DIP2C: variants seen among roughly 807,000 people sequenced by gnomAD.
DIP2C encodes DIP2 acetate--CoA ligase C (putative).
DIP2C carries 33 observed loss-of-function variants against 192.4 expected under a neutral mutation model. The observed-to-expected ratio is 0.17, with a 90% CI of 0.13 to 0.23. The LOEUF (loss-of-function observed/expected upper bound fraction) is 0.23. DIP2C is among the 10% of genes least tolerant of loss of function. The pLI is 1.00. For synonymous variants in DIP2C, 979 were observed against 864.1 expected (o/e 1.13, Z -2.33); for missense variants, 1,537 against 2,110.1 (o/e 0.73, Z 5.32).
At chr10:395,830 C>A (rs1963943728) in intron 10 of DIP2C, among the ~76,000 whole-genome samples, 2 of 152,224 alleles carry the variant, frequency 1.3e-5, no homozygotes, top group Non-Finnish European at 2.9e-5. Flanking sequence ...ATCACATGCA[C>A]AGGTTACAGT....
intron 2 of DIP2C, among the ~76,000 whole-genome samples, chr10:476,436 C>T (rs1245147819): frequency 6.6e-6 from 1 of 152,206 alleles, no homozygotes; most frequent in Admixed American, 6.5e-5. Context: ...ACAGAAGCAG[C>T]AGTAGCTAAC....
chr10:569,998 C>T (rs1323765638), intron 1 of DIP2C, among the ~76,000 whole-genome samples: 12 of 152,190 alleles, frequency 7.9e-5, no homozygotes, highest in Admixed American at 7.9e-4. Flanking sequence ...TCAGCTCACC[C>T]CTGGATAGTA....
intron 30 of DIP2C, among the ~76,000 whole-genome samples, chr10:328,985 T>C (rs1333200846): frequency 6.6e-6 from 1 of 152,222 alleles, no homozygotes; most frequent in Non-Finnish European, 1.5e-5. Context: ...TTAACTGAAC[T>C]GTAAAATGAA....
chr10:364,285 G>C lies in DIP2C; in HGVS notation c.2477+89C>G, dbSNP rs2132733219. The stretch of plus-strand genomic sequence containing the variant: ...GGAAACGGAGACACAATACATTTAA[G>C]GAAACTGTGCAACTTTCAACCCTTC... On this transcript the variant is annotated intron_variant, in intron 20 of 36. Coordinates refer to ENST00000280886, the MANE Select transcript of DIP2C (RefSeq NM_014974.3). 2.1e-6 allele frequency: 3 copies of C among 1,445,400 alleles called. No homozygotes were observed. The East Asian group carries it at 6.9e-5, about 33-fold the overall frequency. The allele number at this position is 1,445,400 out of a possible 1,614,324, so 89.5% of individuals were successfully genotyped here.
At chr10:462,507 A>G (rs1018711808) in intron 3 of DIP2C, among the ~76,000 whole-genome samples, 3 of 152,198 alleles carry the variant, frequency 2.0e-5, no homozygotes, top group African/African-American at 7.2e-5. Context: ...ACCAATAACA[A>G]GTTCTGAAAT....
chr10:557,667 CAT>C (rs2130978327), intron 1 of DIP2C, among the ~76,000 whole-genome samples: 1 of 63,256 alleles, frequency 1.6e-5, no homozygotes, highest in South Asian at 7.6e-4. Context: ...GGCACATACA[CAT>C]GTGGGGGTGG....
chr10:281,507 G>A (rs1954818060), intron 35 of DIP2C, among the ~76,000 whole-genome samples, 184 bp from the exon 36 acceptor site: 1 of 152,248 alleles, frequency 6.6e-6, no homozygotes, highest in South Asian at 2.1e-4. Context: ...CTCGGCTCGT[G>A]TGCCAGTACC....
intron 3 of DIP2C, among the ~76,000 whole-genome samples, chr10:471,540 A>C (rs375228577): frequency 6.6e-6 from 1 of 152,192 alleles, no homozygotes; most frequent in Non-Finnish European, 1.5e-5. Flanking sequence ...TGAAAGCTCC[A>C]TGTGAGAACA....
chr10:536,562 T>TG (rs1271097929), intron 1 of DIP2C, among the ~76,000 whole-genome samples: 1 of 152,174 alleles, frequency 6.6e-6, no homozygotes, highest in African/African-American at 2.4e-5. Context: ...ACCACAGTCC[T>TG]GGGGGCTAGG....
intron 1 of DIP2C, among the ~76,000 whole-genome samples, chr10:562,155 ACAGTTAAGGTTCC>A (rs1849253458): frequency 6.6e-6 from 1 of 152,234 alleles, no homozygotes; most frequent in Non-Finnish European, 1.5e-5. Flanking sequence ...AATGATCCTG[ACAGTTAAGGTTCC>A]CAGTTACAGG....
chr10:371,496 C>G (rs2132799363), intron 17 of DIP2C, among the ~76,000 whole-genome samples: 1 of 152,270 alleles, frequency 6.6e-6, no homozygotes, highest in South Asian at 2.1e-4. Flanking sequence ...TTACTCTGTC[C>G]TTGTAAGAGA....
chr10:417,154 C>T lies in DIP2C; in HGVS notation c.740-1266G>A, dbSNP rs190033315. Reference sequence around the variant, plus strand: ...CTAATTTGGTTCAGATGAATCATACCATTCCACCAGGCCAACGATTCTCAA... The same window carrying T: ...CTAATTTGGTTCAGATGAATCATACTATTCCACCAGGCCAACGATTCTCAA... On this transcript the variant is annotated intron_variant, in intron 6 of 36. Transcript: ENST00000280886. Among the ~76,000 whole-genome samples, 41 of 152,136 alleles carry T rather than the reference C, an allele frequency of 2.7e-4. No homozygotes were observed. In the East Asian group the frequency reaches 5.8e-3, roughly 22 times the overall value.
At chr10:563,803 C>T (rs1406462491) in intron 1 of DIP2C, among the ~76,000 whole-genome samples, 2 of 152,050 alleles carry the variant, frequency 1.3e-5, no homozygotes, top group East Asian at 1.9e-4. Context: ...TGGGCTATAC[C>T]AATAGTCAAG....
chr10:343,244 G>A (rs553369400), intron 28 of DIP2C, among the ~76,000 whole-genome samples: 2 of 152,184 alleles, frequency 1.3e-5, no homozygotes, highest in African/African-American at 2.4e-5. Flanking sequence ...AGCTGAGATC[G>A]CACCACTGCA....
intron 2 of DIP2C, among the ~76,000 whole-genome samples, chr10:473,938 A>G (rs1970853463): frequency 6.6e-6 from 1 of 152,126 alleles, no homozygotes; most frequent in African/African-American, 2.4e-5. Context: ...AGGCTGGCGA[A>G]TTCAGAACTA....
At chr10:461,508 C>A (rs541310995) in intron 3 of DIP2C, among the ~76,000 whole-genome samples, 1 of 152,246 alleles carries the variant, frequency 6.6e-6, no homozygotes, top group East Asian at 1.9e-4. Context: ...TATACATACC[C>A]AATACAGGAG....
chr10:496,973 A>C (rs1283294928), intron 1 of DIP2C, among the ~76,000 whole-genome samples: 1 of 152,182 alleles, frequency 6.6e-6, no homozygotes, highest in East Asian at 1.9e-4. Context: ...AAATACAAAA[A>C]GTTAGCCAGG....
At chr10:431,737 G>C (rs553873218) in intron 4 of DIP2C, among the ~76,000 whole-genome samples, 1 of 152,246 alleles carries the variant, frequency 6.6e-6, no homozygotes, top group African/African-American at 2.4e-5. Flanking sequence ...TATTTTTCTT[G>C]TCATAATTGC....
At chr10:364,930 G>C (rs1960010594) in intron 19 of DIP2C, 1 of 541,292 alleles carries the variant, frequency 1.8e-6, no homozygotes, top group African/African-American at 1.9e-5. Flanking sequence ...AAAGACGAGT[G>C]AAGAGTCAAG....
Sources: gnomAD v4.1 joint callset for allele counts (sites outside exome capture counted in the v4.1 genomes callset) on GRCh38, gnomAD v4.1.1 for gene constraint, MANE v1.5 for transcripts, NCBI Gene and HGNC (gene_info 2026-07-23, HGNC 2026-07-21) for gene names.